OXCT1: variants seen among roughly 807,000 people sequenced by gnomAD.
OXCT1 encodes the protein 3-oxoacid CoA-transferase 1, also known as succinyl-CoA:3-ketoacid coenzyme A transferase 1, mitochondrial.
Under a neutral mutation model 69.6 loss-of-function variants are expected in OXCT1, and 27 were observed. The ratio of observed to expected loss-of-function variants is 0.39; its 90% confidence interval spans 0.29 to 0.54. The LOEUF is 0.54. Ranked by LOEUF, OXCT1 falls within the 20% of genes least tolerant of loss-of-function variation. OXCT1 has a pLI of 0.72. For synonymous variants in OXCT1, 202 were observed against 217.8 expected (o/e 0.93, Z 0.64); for missense variants, 437 against 650.2 (o/e 0.67, Z 3.57).
chr5:41,745,387 G>A (rs1392802377), intron 15 of OXCT1, among the ~76,000 whole-genome samples: 1 of 152,070 alleles, frequency 6.6e-6, no homozygotes, highest in African/African-American at 2.4e-5. Context: ...GAATCTCTGG[G>A]ACACATTCAA....
intron 7 of OXCT1, among the ~76,000 whole-genome samples, chr5:41,818,732 T>A (rs578175141): frequency 1.3e-5 from 2 of 152,188 alleles, no homozygotes; most frequent in Non-Finnish European, 2.9e-5. Context: ...TGCCATATGC[T>A]GCATGCTCAT....
intron 11 of OXCT1, 89 bp from the exon 12 acceptor site, chr5:41,794,838 CA>C: frequency 7.1e-7 from 1 of 1,416,252 alleles, no homozygotes; most frequent in Admixed American, 1.7e-5. Flanking sequence ...TCTCCATTCC[CA>C]AAAGAACTTA....
intron 3 of OXCT1, among the ~76,000 whole-genome samples, chr5:41,855,844 TAGC>T (rs1382903339): frequency 5.9e-5 from 9 of 152,120 alleles, no homozygotes; most frequent in African/African-American, 2.2e-4. Context: ...AGGAGAAAGA[TAGC>T]AGAAAAAATC....
intron 14 of OXCT1, among the ~76,000 whole-genome samples, chr5:41,753,701 T>C (rs11740946): frequency 0.24 from 35,850 of 152,006 alleles, 4,432 homozygotes; most frequent in Middle Eastern, 0.34. Flanking sequence ...ACCACCTCCA[T>C]TAGATGCTGA....
chr5:41,819,403 A>G (rs1029018827), intron 7 of OXCT1, among the ~76,000 whole-genome samples: 6 of 151,566 alleles, frequency 4.0e-5, no homozygotes, highest in Non-Finnish European at 8.8e-5. Flanking sequence ...ATGGAGTTTC[A>G]CTCGTTACCC....
At chr5:41,813,327 G>A (rs1266159261) in intron 7 of OXCT1, among the ~76,000 whole-genome samples, 1 of 152,084 alleles carries the variant, frequency 6.6e-6, no homozygotes, top group Non-Finnish European at 1.5e-5. Flanking sequence ...AGTATATGGT[G>A]GCTTGATAAA....
chr5:41,787,090 T>C lies in OXCT1; in HGVS notation c.1248+6913A>G, dbSNP rs369062307. Among the ~76,000 whole-genome samples the C allele has an allele frequency of 1.9e-3, 288 of 152,268 alleles. 3 individuals carry two copies. Among genetic ancestry groups the C allele is most frequent in the South Asian group, 7.7e-3 (37 of 4,820 alleles). On this transcript the variant is annotated intron_variant, in intron 13 of 16. Transcript: ENST00000196371. ...AAAAAGCTGATACCAGTGTTGGTAATAGAGTAGAAACAGTGTGAGAGTAAA... is the reference window on the plus strand; with the variant it reads ...AAAAAGCTGATACCAGTGTTGGTAACAGAGTAGAAACAGTGTGAGAGTAAA...
intron 13 of OXCT1, among the ~76,000 whole-genome samples, chr5:41,789,922 T>G (rs1234467809): frequency 6.6e-6 from 1 of 152,236 alleles, no homozygotes; most frequent in Admixed American, 6.5e-5. Context: ...TTAACTTATT[T>G]AAAACAGGTA....
intron 16 of OXCT1, among the ~76,000 whole-genome samples, chr5:41,735,278 T>G (rs1047042387): frequency 6.6e-6 from 1 of 152,102 alleles, no homozygotes; most frequent in Non-Finnish European, 1.5e-5. Context: ...AAGAAGATAA[T>G]CCTGTCATAC....
intron 13 of OXCT1, among the ~76,000 whole-genome samples, chr5:41,783,631 CAA>C (rs1745513640): frequency 1.3e-5 from 2 of 152,310 alleles, no homozygotes; most frequent in South Asian, 4.1e-4. Flanking sequence ...TCGACTGATT[CAA>C]AGATGACCAA....
intron 13 of OXCT1, among the ~76,000 whole-genome samples, chr5:41,790,474 T>C (rs541250691): frequency 4.6e-5 from 7 of 152,154 alleles, no homozygotes; most frequent in African/African-American, 1.4e-4. Context: ...TCTGTGTACA[T>C]GAGACCAACA....
chr5:41,846,175 C>G (rs915234168), intron 5 of OXCT1, among the ~76,000 whole-genome samples: 2 of 151,450 alleles, frequency 1.3e-5, no homozygotes, highest in South Asian at 4.2e-4. Context: ...TACATGTGCA[C>G]AATGTGCAGG....
chr5:41,845,759 C>G (rs11739257), intron 5 of OXCT1, among the ~76,000 whole-genome samples: 35,855 of 151,910 alleles, frequency 0.24, 4,427 homozygotes, highest in Middle Eastern at 0.34. Context: ...AGTATTTATC[C>G]CAAGTTTTCC....
At chr5:41,849,059 A>G (rs961340633) in intron 5 of OXCT1, among the ~76,000 whole-genome samples, 2 of 152,220 alleles carry the variant, frequency 1.3e-5, no homozygotes, top group African/African-American at 2.4e-5. Context: ...AATATCCAGA[A>G]TCTAAAAAAC....
At chr5:41,842,203 G>A (rs1748657503) in intron 6 of OXCT1, among the ~76,000 whole-genome samples, 1 of 152,184 alleles carries the variant, frequency 6.6e-6, no homozygotes, top group South Asian at 2.1e-4. Flanking sequence ...CAATTTTTCA[G>A]ATAGAACCTT....
At chr5:41,828,141 C>A (rs4957428) in intron 7 of OXCT1, among the ~76,000 whole-genome samples, 2,160 of 152,230 alleles carry the variant, frequency 0.014, 98 homozygotes, top group South Asian at 0.078. Flanking sequence ...GAGTTTTGCT[C>A]TTGTTGCCTA....
chr5:41,856,159 C>T (rs758914894), intron 3 of OXCT1, among the ~76,000 whole-genome samples: 57 of 152,144 alleles, frequency 3.7e-4, no homozygotes, highest in South Asian at 6.2e-4. Flanking sequence ...AGATGAAAGG[C>T]CGGGATATCA....
intron 9 of OXCT1, among the ~76,000 whole-genome samples, chr5:41,803,628 A>T (rs753206322): frequency 2.0e-5 from 3 of 152,074 alleles, no homozygotes; most frequent in Non-Finnish European, 4.4e-5. Context: ...CAATACCAAA[A>T]TTTCTGCCTA....
In OXCT1 at chr5:41,803,699, G is replaced by T. The variant is rs148451168; in HGVS notation, c.956-536C>A. 8.3e-4 allele frequency among the ~76,000 whole-genome samples: 127 copies of T among 152,126 alleles called. 2 individuals are homozygous for T. Among genetic ancestry groups the T allele is most frequent in the African/African-American group, 1.9e-3 (80 of 41,528 alleles). ...ATTCATTGGTAACTGAATTTTCTAT[G>T]TGACATAAAAAGAAAAGTGGGGAGG... On this transcript the variant is annotated intron_variant, in intron 9 of 16. Transcript: ENST00000196371.
Sources: gnomAD v4.1 joint callset for allele counts (sites outside exome capture counted in the v4.1 genomes callset) on GRCh38, gnomAD v4.1.1 for gene constraint, MANE v1.5 for transcripts, NCBI Gene and HGNC (gene_info 2026-07-23, HGNC 2026-07-21) for gene names.